NEK3: variants seen among roughly 807,000 people sequenced by gnomAD.
NEK3 encodes the protein serine/threonine-protein kinase Nek3.
In NEK3, 54 loss-of-function variants were observed where a neutral mutation model predicts 66.0. The observed-to-expected ratio is 0.82, with a 90% CI of 0.66 to 1.03. The LOEUF (loss-of-function observed/expected upper bound fraction) is 1.03, where lower values mean the gene tolerates loss of function less well. NEK3 is among the 50% of genes least tolerant of loss of function. NEK3 has a pLI of 0.00. For missense variants in NEK3, 593 were observed against 603.0 expected, an observed-to-expected ratio of 0.98 and a Z score of 0.17; for synonymous variants, 200 against 206.2, an observed-to-expected ratio of 0.97 and a Z score of 0.26.
At chr13:52,145,824 A>G (rs1245810186) in intron 8 of NEK3, among the ~76,000 whole-genome samples, 1 of 152,196 alleles carries the variant, frequency 6.6e-6, no homozygotes, top group Admixed American at 6.5e-5. Flanking sequence ...TTAGCATTCT[A>G]CCTTGAAAGT....
chr13:52,133,811 T>C lies in NEK3; in HGVS notation c.1314A>G (p.Ser438=). 6.3e-7 allele frequency: 1 copy of C among 1,598,676 alleles called. No individual in the cohort carries two copies. The highest frequency in any genetic ancestry group is 8.5e-7 in the Non-Finnish European group (1 of 1,171,876). ...ACAGGGGGCCTTTCAAGAACCCTTC[T>C]GAACCTTCAGGAGATATTAACAGAA... ...FQTYTIYRPG[S]EGFLKGPLSE... The change falls in exon 15 of 16, where the codon TCA becomes TCG. Residue 438 remains serine (S), a synonymous_variant. Coordinates refer to ENST00000610828, the MANE Select transcript of NEK3 (RefSeq NM_002498.3).
rs753143758 is a variant in NEK3, at chr13:52,136,181, G to A, written c.1109C>T (p.Thr370Ile). The change falls in exon 13 of 16, where the codon ACA (threonine) becomes ATA (isoleucine). Residue 370 changes from threonine (T) to isoleucine (I), a missense_variant. Thr to Ile is a moderately conservative substitution (Grantham distance 89). Transcript: ENST00000610828. Reference protein sequence around the residue: ...RRQWEKNVPNTALTALENASI... With the variant: ...RRQWEKNVPNIALTALENASI... ...TGCATTTTCCAAAGCTGTAAGAGCT[G>A]TATTGGGTACATTTTTCTCCCACTG... 5.0e-6 allele frequency: 8 copies of A among 1,613,798 alleles called. No individual in the cohort carries two copies. The highest frequency in any genetic ancestry group is 6.8e-6 in the Non-Finnish European group (8 of 1,179,728).
Position 52,133,724 on chromosome 13 carries a change from T to A in NEK3, c.1401A>T (p.Pro467=). The A allele has an allele frequency of 6.4e-7, 1 of 1,564,900 alleles. No homozygotes were observed. The highest frequency in any genetic ancestry group is 1.4e-5 in the African/African-American group (1 of 73,958). Residue 467 remains proline, a synonymous_variant, in exon 15 of 16, where the codon CCA becomes CCT. Coordinates refer to ENST00000610828, the MANE Select transcript of NEK3 (RefSeq NM_002498.3). ...CATCTAGCCCAGGCTCAAGTCGCTC[T>A]GGATCCAAAATGACAGAATCGTGAC... ...DGGHDSVILD[P]ERLEPGLDEE...
intron 5 of NEK3, among the ~76,000 whole-genome samples, 152 bp from the exon 6 acceptor site, chr13:52,151,544 C>T (rs1029278369): frequency 7.9e-5 from 12 of 152,234 alleles, no homozygotes; most frequent in East Asian, 5.8e-4. Context: ...AAGATCCCCT[C>T]TTGATCGCTA....
Position 52,154,141 on chromosome 13 carries a change from C to T in NEK3, c.150G>A (p.Glu50=). The change falls in exon 3 of 16, where the codon GAG becomes GAA. Residue 50 remains glutamate, a synonymous_variant. Coordinates refer to ENST00000610828, the MANE Select transcript of NEK3 (RefSeq NM_002498.3). The part of the protein sequence containing the change: ...SFSNTQNSRK[E]AVLLAKMKHP... ...GTTTCATTTTGGCTAAAAGAACAGC[C>T]TCCTTCCTAGAATTCTGTGTATTAG... is the stretch of plus-strand genomic sequence containing the variant. 6.2e-7 allele frequency: 1 copy of T among 1,610,766 alleles called. No individual in the cohort carries two copies.
intron 14 of NEK3, among the ~76,000 whole-genome samples, chr13:52,134,402 T>C (rs1256670635): frequency 6.6e-6 from 1 of 152,152 alleles, no homozygotes; most frequent in East Asian, 1.9e-4. Flanking sequence ...AGAATGTATA[T>C]TAAGGCATTA....
Position 52,151,322 on chromosome 13 carries a change from T to C in NEK3, c.461+3A>G. The C allele has an allele frequency of 6.3e-7, 1 of 1,598,806 alleles. No homozygotes were observed. Among genetic ancestry groups the C allele is most frequent in the Non-Finnish European group, 8.5e-7 (1 of 1,172,256 alleles). The stretch of plus-strand genomic sequence containing the variant: ...GTCACTACCGTAGAACAGACATACA[T>C]ACTTGGAGAGAAGACGGGCAGATCC... On this transcript the variant is annotated splice_donor_region_variant and intron_variant, in intron 6 of 15. Transcript: ENST00000610828.
chr13:52,150,292 T>C (rs1195643001), intron 7 of NEK3, among the ~76,000 whole-genome samples: 1 of 152,146 alleles, frequency 6.6e-6, no homozygotes, highest in African/African-American at 2.4e-5. Context: ...AATGTGGAAA[T>C]ATAAGGCCAA....
At chr13:52,157,627 ATGTTAAACACACAGT>A (rs1184418160) in intron 1 of NEK3, 1 of 152,168 alleles carries the variant, frequency 6.6e-6, no homozygotes. Flanking sequence ...GTCAAGAGAG[ATGTTAAACACACAGT>A]TGGAGTCCTT....
Position 52,133,642 on chromosome 13 carries a change from CA to C in NEK3, c.1436+46del, listed in dbSNP as rs1174404359. On this transcript the variant is annotated intron_variant, in intron 15 of 15. Transcript: ENST00000610828. ...ACACACACACACACACACACACACA[CA>C]CACCCCCAACCCCAGCTACAGCTTT... 48 of 1,540,214 alleles carry C rather than the reference CA, an allele frequency of 3.1e-5. No homozygotes were observed. The African/African-American group carries it at 4.2e-4, about 14-fold the overall frequency.
At position 52,156,166 on chromosome 13, in the gene NEK3, A is replaced by G. The variant is rs373399113; in HGVS notation, c.26T>C (p.Met9Thr). 15 of 1,601,832 alleles carry G rather than the reference A, an allele frequency of 9.4e-6. No individual in the cohort carries two copies. The highest frequency in any genetic ancestry group is 1.1e-5 in the Non-Finnish European group (13 of 1,173,858). The change falls in exon 2 of 16, where the codon ATG becomes ACG. Residue 9 changes from methionine to threonine, a missense_variant. By Grantham distance (81) the Met-to-Thr change is moderately conservative. Coordinates refer to ENST00000610828, the MANE Select transcript of NEK3 (RefSeq NM_002498.3). MDDYMVLR[M>T]IGEGSFGRAL... ...TCTGCCGAAGGAGCCCTCCCCAATC[A>G]TTCTCAGGACCATGTAGTCATCCAT...
At chr13:52,148,775 G>A (rs1017283948) in intron 7 of NEK3, among the ~76,000 whole-genome samples, 3 of 152,172 alleles carry the variant, frequency 2.0e-5, no homozygotes, top group African/African-American at 4.8e-5. Context: ...GACTCTGGAA[G>A]GCATCCAGTG....
At chr13:52,143,099 C>T (rs979796397) in intron 10 of NEK3, among the ~76,000 whole-genome samples, 2 of 151,946 alleles carry the variant, frequency 1.3e-5, no homozygotes, top group African/African-American at 2.4e-5. Context: ...GGTGGATCAC[C>T]TGAGGTCAGG....
intron 14 of NEK3, among the ~76,000 whole-genome samples, chr13:52,134,357 A>C (rs922703585): frequency 6.6e-6 from 1 of 152,180 alleles, no homozygotes; most frequent in Non-Finnish European, 1.5e-5. Context: ...AGAAAAAAAA[A>C]ACTCGGAAAA....
At chr13:52,151,955 C>T (rs1886539) in intron 5 of NEK3, among the ~76,000 whole-genome samples, 92,345 of 152,024 alleles carry the variant, frequency 0.61, 28,868 homozygotes, top group Middle Eastern at 0.71. Flanking sequence ...CTAGAAGCAA[C>T]AGGCTACACT....
chr13:52,144,840 T>C lies in NEK3; in HGVS notation c.655A>G (p.Ile219Val). The C allele has an allele frequency of 1.2e-6, 2 of 1,612,892 alleles. No individual in the cohort carries two copies. Among genetic ancestry groups the C allele is most frequent in the Non-Finnish European group, 1.7e-6 (2 of 1,179,350 alleles). Residue 219 changes from isoleucine to valine, a missense_variant, in exon 9 of 16, where the codon ATC becomes GTC. Physicochemically the swap from Ile to Val is conservative, Grantham distance 29. Coordinates refer to ENST00000610828, the MANE Select transcript of NEK3 (RefSeq NM_002498.3). ...GAGTAATGAGACGGCAGTGGACTGA[T>C]GCACCCTTGACATACTTTGAGGATA... is the stretch of plus-strand genomic sequence containing the variant. ...NLILKVCQGC[I>V]SPLPSHYSYE...
Position 52,136,848 on chromosome 13 carries a change from C to T in NEK3, c.982G>A (p.Glu328Lys), listed in dbSNP as rs1224647112. 6.4e-7 allele frequency: 1 copy of T among 1,574,256 alleles called. No individual in the cohort carries two copies. The highest frequency in any genetic ancestry group is 1.2e-5 in the South Asian group (1 of 85,676). Reference sequence around the variant, plus strand: ...CTCAATGCACTTTCAACTAAATTTTCATTAATGCTTTCCAAATCAGTATGG... The same window carrying T: ...CTCAATGCACTTTCAACTAAATTTTTATTAATGCTTTCCAAATCAGTATGG... Reference protein sequence around the residue: ...GSHTDLESINENLVESALRRV... With the variant: ...GSHTDLESINKNLVESALRRV... Residue 328 changes from glutamate (E) to lysine (K), a missense_variant, in exon 12 of 16, where the codon GAA becomes AAA. By Grantham distance (56) the Glu-to-Lys change is moderately conservative. Coordinates refer to ENST00000610828, the MANE Select transcript of NEK3 (RefSeq NM_002498.3).
At chr13:52,146,285 T>A (rs1018901396) in intron 8 of NEK3, among the ~76,000 whole-genome samples, 1 of 152,204 alleles carries the variant, frequency 6.6e-6, no homozygotes, top group African/African-American at 2.4e-5. Flanking sequence ...GTCCTATGAA[T>A]ATAAAATGTA....
chr13:52,142,964 G>GA (rs1402234149), intron 10 of NEK3, among the ~76,000 whole-genome samples: 1 of 152,210 alleles, frequency 6.6e-6, no homozygotes, highest in Non-Finnish European at 1.5e-5. Context: ...ATAGATGTAT[G>GA]AAAATTTCAT....
Sources: gnomAD v4.1 joint callset for allele counts (sites outside exome capture counted in the v4.1 genomes callset) on GRCh38, gnomAD v4.1.1 for gene constraint, MANE v1.5 for transcripts, NCBI Gene and HGNC (gene_info 2026-07-23, HGNC 2026-07-21) for gene names.